ARHGEF12: variants seen among roughly 807,000 people sequenced by gnomAD.
ARHGEF12 encodes the protein Rho guanine nucleotide exchange factor 12.
A neutral mutation model predicts 211.2 loss-of-function variants in ARHGEF12; 66 were observed. That is an observed-to-expected ratio of 0.31 (90% CI 0.26 to 0.38). The LOEUF (loss-of-function observed/expected upper bound fraction) is 0.38. Ranked by LOEUF, ARHGEF12 falls within the 10% of genes least tolerant of loss-of-function variation. ARHGEF12 has a pLI of 1.00. For synonymous variants in ARHGEF12, 592 were observed against 638.4 expected, an observed-to-expected ratio of 0.93 and a Z score of 1.09; for missense variants, 1,429 against 1,869.5, an observed-to-expected ratio of 0.76 and a Z score of 4.34.
chr11:120,365,188 A>G (rs1242273134), intron 1 of ARHGEF12, among the ~76,000 whole-genome samples: 2 of 152,098 alleles, frequency 1.3e-5, no homozygotes, highest in African/African-American at 4.8e-5. Context: ...CTATGTGTAT[A>G]TATATATATT....
intron 1 of ARHGEF12, among the ~76,000 whole-genome samples, chr11:120,399,326 A>AAAAAAAAAAAAAG: frequency 7.7e-6 from 1 of 129,546 alleles, no homozygotes; most frequent in Non-Finnish European, 1.6e-5. Flanking sequence ...GTCTCCAAAA[A>AAAAAAAAAAAAAG]AAAAAAAAAA....
At chr11:120,467,344 C>A in intron 29 of ARHGEF12, 36 bp downstream of exon 29, 4 of 1,359,598 alleles carry the variant, frequency 2.9e-6, no homozygotes, top group African/African-American at 1.4e-5. Context: ...AGCTTAAGAA[C>A]AACAACAACG....
intron 1 of ARHGEF12, 147 bp from the exon 2 acceptor site, chr11:120,405,971 T>C: frequency 1.7e-6 from 1 of 601,386 alleles, no homozygotes; most frequent in Non-Finnish European, 2.8e-6. Context: ...GTTCAACTTC[T>C]TATTCCTCCA....
intron 1 of ARHGEF12, among the ~76,000 whole-genome samples, chr11:120,347,089 CAG>C (rs1386210237): frequency 6.6e-6 from 1 of 152,112 alleles, no homozygotes; most frequent in East Asian, 1.9e-4. Context: ...AGGCTTACAA[CAG>C]AATGCCATCT....
At chr11:120,379,163 A>C (rs1943810309) in intron 1 of ARHGEF12, among the ~76,000 whole-genome samples, 1 of 152,260 alleles carries the variant, frequency 6.6e-6, no homozygotes, top group African/African-American at 2.4e-5. Context: ...CAGGGTTTGC[A>C]CATGGTTTGT....
chr11:120,481,188 C>T, intron 38 of ARHGEF12, 72 bp from the exon 39 acceptor site: 1 of 1,404,086 alleles, frequency 7.1e-7, no homozygotes, highest in Non-Finnish European at 9.9e-7. Flanking sequence ...TTGAAGTTGT[C>T]AGCACACTAT....
chr11:120,460,874 A>G (rs1946505037), intron 27 of ARHGEF12, 117 bp downstream of exon 27: 1 of 865,158 alleles, frequency 1.2e-6, no homozygotes, highest in African/African-American at 1.7e-5. Flanking sequence ...AGTTAATGCA[A>G]AGCTGAGAAA....
At chr11:120,345,761 T>C (rs950632129) in intron 1 of ARHGEF12, among the ~76,000 whole-genome samples, 2 of 147,270 alleles carry the variant, frequency 1.4e-5, no homozygotes, top group African/African-American at 2.5e-5. Flanking sequence ...TATATATATA[T>C]ACAGTATTTA....
intron 6 of ARHGEF12, among the ~76,000 whole-genome samples, chr11:120,423,394 C>T (rs1273219649): frequency 1.3e-5 from 2 of 152,028 alleles, no homozygotes; most frequent in Admixed American, 1.3e-4. Flanking sequence ...AGCAATTTTG[C>T]TTTTAGGAAC....
intron 1 of ARHGEF12, among the ~76,000 whole-genome samples, chr11:120,349,086 C>T (rs1380508437): frequency 1.3e-5 from 2 of 152,094 alleles, no homozygotes; most frequent in Non-Finnish European, 2.9e-5. Flanking sequence ...ATTTTAGTTG[C>T]AATTGTTAGT....
At chr11:120,462,331 G>T (rs1227255232) in intron 27 of ARHGEF12, among the ~76,000 whole-genome samples, 3 of 152,126 alleles carry the variant, frequency 2.0e-5, no homozygotes, top group Non-Finnish European at 2.9e-5. Flanking sequence ...TTTTCCATTA[G>T]GTTTGCCACC....
rs931820366 is a variant in ARHGEF12, at chr11:120,488,754, A to G, written c.*3677A>G. On this transcript the variant is annotated 3_prime_UTR_variant, in exon 41 of 41. Coordinates refer to ENST00000397843, the MANE Select transcript of ARHGEF12 (RefSeq NM_015313.3). The stretch of plus-strand genomic sequence containing the variant: ...TTCCTTGTTCACCATACAATCATGT[A>G]CTCTTTAACAGAAATTGCTTTTAAA... The G allele has an allele frequency of 2.8e-5, 6 of 214,536 alleles. No individual in the cohort carries two copies. The highest frequency in any genetic ancestry group is 5.7e-5 in the Non-Finnish European group (6 of 106,032). 13.3% of individuals were successfully genotyped at this position (214,536 alleles called of 1,614,324 possible).
chr11:120,351,909 G>T (rs1464852377), intron 1 of ARHGEF12, among the ~76,000 whole-genome samples: 4 of 152,044 alleles, frequency 2.6e-5, no homozygotes, highest in Admixed American at 2.6e-4. Context: ...GCCTCTGAGA[G>T]GTTCACTAAT....
intron 38 of ARHGEF12, among the ~76,000 whole-genome samples, chr11:120,480,801 A>G (rs1947211626): frequency 6.6e-6 from 1 of 152,204 alleles, no homozygotes; most frequent in Non-Finnish European, 1.5e-5. Flanking sequence ...AGGACCTCCG[A>G]TGAGGTAGCA....
At chr11:120,445,813 G>A (rs1384753935) in intron 16 of ARHGEF12, among the ~76,000 whole-genome samples, 1 of 152,114 alleles carries the variant, frequency 6.6e-6, no homozygotes, top group Non-Finnish European at 1.5e-5. Flanking sequence ...CAGGAGAATT[G>A]CTTGAACACA....
chr11:120,380,015 A>G (rs932623272), intron 1 of ARHGEF12, among the ~76,000 whole-genome samples: 2 of 152,166 alleles, frequency 1.3e-5, no homozygotes, highest in African/African-American at 2.4e-5. Flanking sequence ...CATTTGTCAG[A>G]TGTAGAATTG....
At chr11:120,470,799 T>C (rs1946845150) in intron 30 of ARHGEF12, among the ~76,000 whole-genome samples, 1 of 152,232 alleles carries the variant, frequency 6.6e-6, no homozygotes. Context: ...GTTCTGTTCC[T>C]AGTGATTTGC....
intron 11 of ARHGEF12, among the ~76,000 whole-genome samples, chr11:120,432,378 T>A (rs1272241784): frequency 2.0e-5 from 3 of 152,222 alleles, no homozygotes; most frequent in Non-Finnish European, 4.4e-5. Context: ...AGCACTTTCT[T>A]GATTAACCCA....
chr11:120,347,216 C>CTTTCTCTTTCTT (rs1942787290), intron 1 of ARHGEF12, among the ~76,000 whole-genome samples: 1 of 133,840 alleles, frequency 7.5e-6, no homozygotes, highest in Non-Finnish European at 1.6e-5. Flanking sequence ...CTTTCTTTTT[C>CTTTCTCTTTCTT]TTTCTTTCTT....
Sources: gnomAD v4.1 joint callset for allele counts (sites outside exome capture counted in the v4.1 genomes callset) on GRCh38, gnomAD v4.1.1 for gene constraint, MANE v1.5 for transcripts, NCBI Gene and HGNC (gene_info 2026-07-23, HGNC 2026-07-21) for gene names.